The following TENM3 variants were observed in gnomAD, a reference collection of about 807,000 sequenced individuals.
The protein encoded by TENM3 is teneurin transmembrane protein 3, also known as teneurin-3.
In TENM3, 63 loss-of-function variants were observed where a neutral mutation model predicts 255.1. That is an observed-to-expected ratio of 0.25 (90% CI 0.20 to 0.30). The LOEUF (loss-of-function observed/expected upper bound fraction) is 0.30, where lower values mean the gene tolerates loss of function less well. Ranked by LOEUF, TENM3 falls within the 10% of genes least tolerant of loss-of-function variation. The pLI, the probability that TENM3 is intolerant of heterozygous loss-of-function variation, is 1.00. For synonymous variants in TENM3, 1,306 were observed against 1,322.3 expected, an observed-to-expected ratio of 0.99 and a Z score of 0.27; for missense variants, 2,929 against 3,461.1, an observed-to-expected ratio of 0.85 and a Z score of 3.86.
chr4:181,673,681 G>A, the TENM3 span, among the ~76,000 whole-genome samples: 2 of 152,130 alleles, frequency 1.3e-5, no homozygotes, highest in East Asian at 3.9e-4. Flanking sequence ...GAAGAACTAA[G>A]AATACTGATA....
intron 15 of TENM3, 103 bp from the exon 16 acceptor site, chr4:182,730,775 A>G: frequency 7.8e-7 from 1 of 1,290,090 alleles, no homozygotes; most frequent in Non-Finnish European, 1.1e-6. Flanking sequence ...AAGTTGGGAG[A>G]AAAAGTTGAT....
the TENM3 span, among the ~76,000 whole-genome samples, chr4:181,783,680 T>G: frequency 6.6e-6 from 1 of 152,168 alleles, no homozygotes; most frequent in Non-Finnish European, 1.5e-5. Context: ...TTGCCTGTTT[T>G]GTTGTTGTTT....
At chr4:182,262,202 T>A (rs1239493916) in intron 1 of TENM3, among the ~76,000 whole-genome samples, 1 of 152,204 alleles carries the variant, frequency 6.6e-6, no homozygotes, top group Non-Finnish European at 1.5e-5. Flanking sequence ...ATGACACAAC[T>A]AAATGAAATT....
chr4:182,711,496 T>C (rs1210734537), intron 12 of TENM3: 2 of 528,404 alleles, frequency 3.8e-6, no homozygotes, highest in Non-Finnish European at 2.4e-6. Flanking sequence ...AATTTGCATG[T>C]AGATTCTGAA....
chr4:182,404,009 A>G (rs1159502501), intron 3 of TENM3, among the ~76,000 whole-genome samples: 1 of 152,226 alleles, frequency 6.6e-6, no homozygotes, highest in Admixed American at 6.5e-5. Flanking sequence ...GGCAAGAACC[A>G]CTGCACCAAG....
In TENM3 at chr4:182,793,867, G is replaced by C. The variant is rs367736531; in HGVS notation, c.7195G>C (p.Val2399Leu). ...NNNPASKIHD[V>L]KDYITDVNSW... ...CAACCCTGCAAGCAAAATCCATGACGTGAAAGATTACATCACAGGTAAGCA... is the reference window on the plus strand; with the variant it reads ...CAACCCTGCAAGCAAAATCCATGACCTGAAAGATTACATCACAGGTAAGCA... Residue 2399 changes from valine to leucine, a missense_variant, in exon 26 of 28, where the codon GTG becomes CTG. Around this residue, in one of 6 missense-constraint regions of TENM3, gnomAD observed 476 missense variants for 480.1 expected, o/e 0.99. Transcript: ENST00000511685. The surrounding 1 kb of genome is among the most constrained non-coding windows in gnomAD (Gnocchi z 5.7). The C allele has an allele frequency of 6.2e-7, 1 of 1,608,428 alleles. No homozygotes were observed. Among genetic ancestry groups the C allele is most frequent in the South Asian group, 1.1e-5 (1 of 90,382 alleles).
chr4:181,680,479 T>A, the TENM3 span, among the ~76,000 whole-genome samples: 1 of 152,156 alleles, frequency 6.6e-6, no homozygotes, highest in African/African-American at 2.4e-5. Flanking sequence ...AGAGGAAAAC[T>A]TCATTAAGGA....
At chr4:181,646,020 C>T in the TENM3 span, among the ~76,000 whole-genome samples, 19 of 152,184 alleles carry the variant, frequency 1.2e-4, no homozygotes, top group African/African-American at 4.3e-4. Flanking sequence ...CAGATCCTCA[C>T]AGGTGCAGGC....
chr4:181,771,734 G>A, the TENM3 span, among the ~76,000 whole-genome samples: 5 of 152,224 alleles, frequency 3.3e-5, no homozygotes, highest in Admixed American at 2.0e-4. Context: ...TAAGTAGTTT[G>A]AGATTCTGCG....
At chr4:182,492,457 C>G (rs559050700) in intron 3 of TENM3, among the ~76,000 whole-genome samples, 2 of 152,222 alleles carry the variant, frequency 1.3e-5, no homozygotes, top group African/African-American at 4.8e-5. Context: ...GCTACATTTG[C>G]TCGAGGAGTT....
chr4:181,893,979 T>C, the TENM3 span, among the ~76,000 whole-genome samples: 1 of 152,032 alleles, frequency 6.6e-6, no homozygotes, highest in South Asian at 2.1e-4. Flanking sequence ...GTGTTTTATA[T>C]GTAGGAGGGA....
chr4:182,328,722 G>A lies in TENM3; in HGVS notation c.232+4470G>A, dbSNP rs113995731. ...TCCCAGAAACTCCCCTCTTTGGGCC[G>A]TGCCGTCTCTTCATTCTTACCATCA... On this transcript the variant is annotated intron_variant, in intron 2 of 27. Transcript: ENST00000511685. 3.3e-3 allele frequency among the ~76,000 whole-genome samples: 506 copies of A among 152,182 alleles called. 2 individuals carry two copies. The highest frequency in any genetic ancestry group is 9.4e-3 in the African/African-American group (389 of 41,528).
chr4:182,661,263 C>T (rs1033351180), intron 6 of TENM3, among the ~76,000 whole-genome samples: 2 of 133,942 alleles, frequency 1.5e-5, no homozygotes, highest in African/African-American at 2.9e-5. Flanking sequence ...TGCAGTGGCG[C>T]GATCTTGGCT....
intron 4 of TENM3, among the ~76,000 whole-genome samples, chr4:182,623,780 C>G (rs1025441797): frequency 2.0e-5 from 3 of 152,160 alleles, no homozygotes; most frequent in Non-Finnish European, 4.4e-5. Context: ...TTTTCATGCT[C>G]TCTGTCTTTT....
rs1039753882 is a variant in TENM3, at chr4:182,595,700, C to T, written c.512-5224C>T. On this transcript the variant is annotated intron_variant, in intron 3 of 27. Coordinates refer to ENST00000511685, the MANE Select transcript of TENM3 (RefSeq NM_001080477.4). ...TGTTTGGGTATGATGCATAATTTCT[C>T]ATAACCATGGTACCGAGAATTTAAT... is the stretch of plus-strand genomic sequence containing the variant. Among the ~76,000 whole-genome samples, 7 of 152,002 alleles carry T rather than the reference C, an allele frequency of 4.6e-5. No individual in the cohort carries two copies. In the South Asian group the frequency reaches 1.0e-3, roughly 23 times the overall value.
At chr4:181,461,829 CCT>C in the TENM3 span, among the ~76,000 whole-genome samples, 2 of 152,128 alleles carry the variant, frequency 1.3e-5, no homozygotes, top group African/African-American at 4.8e-5. Context: ...ATAATTCCAT[CCT>C]CTCTCATGTC....
chr4:182,601,251 G>C, intron 4 of TENM3, 90 bp downstream of exon 4: 1 of 1,094,734 alleles, frequency 9.1e-7, no homozygotes, highest in East Asian at 2.5e-5. Context: ...GTGGTGTTTT[G>C]GGGTTTTGTT....
chr4:182,209,400 GCT>G (rs1359917121), intron 1 of TENM3, among the ~76,000 whole-genome samples: 1 of 151,962 alleles, frequency 6.6e-6, no homozygotes, highest in Non-Finnish European at 1.5e-5. Flanking sequence ...CACTGTGCAT[GCT>G]CATGCAGTAG....
At chr4:182,344,912 C>T (rs1764706103) in intron 2 of TENM3, among the ~76,000 whole-genome samples, 1 of 152,138 alleles carries the variant, frequency 6.6e-6, no homozygotes, top group South Asian at 2.1e-4. Flanking sequence ...GTACAATCTG[C>T]AGTAATGATT....
Sources: allele counts gnomAD v4.1 joint callset (sites outside exome capture counted in the v4.1 genomes callset), GRCh38; gene constraint gnomAD v4.1.1; regional missense constraint gnomAD v4.1.1; non-coding constraint Gnocchi (gnomAD v3.1); transcripts MANE v1.5; gene names NCBI Gene and HGNC (gene_info 2026-07-23, HGNC 2026-07-21).